The following GATA4 variants were observed in gnomAD, a reference collection of about 807,000 sequenced individuals.
GATA4 encodes the protein transcription factor GATA-4.
A neutral mutation model predicts 37.9 loss-of-function variants in GATA4; 7 were observed. The ratio of observed to expected loss-of-function variants is 0.18; its 90% CI spans 0.11 to 0.35. The LOEUF (loss-of-function observed/expected upper bound fraction) is 0.35. GATA4 is among the 10% of genes least tolerant of loss of function. The pLI, the probability that GATA4 is intolerant of heterozygous loss-of-function variation, is 1.00. For synonymous variants in GATA4, 372 were observed against 292.6 expected (o/e 1.27, Z -2.77); for missense variants, 647 against 653.0 (o/e 0.99, Z 0.10).
chr8:11,697,512 A>T, intron 1 of GATA4: 1 of 964,504 alleles, frequency 1.0e-6, no homozygotes, highest in Non-Finnish European at 1.2e-6. Context: ...CACCTGCTGC[A>T]GTTGGGGAGG....
chr8:11,750,113 C>T lies in GATA4; in HGVS notation c.789C>T (p.Ser263=), dbSNP rs777744927. Residue 263 remains serine (S), a splice_region_variant and synonymous_variant, in exon 4 of 7, where the codon TCC becomes TCT. Transcript: ENST00000532059. ...RPLIKPQRRL[S]ASRRVGLSCA... ...AGCATTTGTTTCCTGTCTTGCAGTC[C>T]GCCTCCCGCCGAGTGGGCCTCTCCT... is the stretch of plus-strand genomic sequence containing the variant. 108 of 1,613,972 alleles carry T rather than the reference C, an allele frequency of 6.7e-5. No homozygotes were observed. The highest frequency in any genetic ancestry group is 4.0e-4 in the East Asian group (18 of 44,900).
chr8:11,739,481 C>T (rs1801618603), intron 2 of GATA4, among the ~76,000 whole-genome samples: 1 of 151,902 alleles, frequency 6.6e-6, no homozygotes, highest in African/African-American at 2.4e-5. Flanking sequence ...TTTCCATATA[C>T]ATCCATCATA....
chr8:11,681,524 C>A, intron 1 of GATA4: 9 of 917,602 alleles, frequency 9.8e-6, no homozygotes, highest in Non-Finnish European at 1.0e-5. Context: ...GTCGGTCCCT[C>A]TCGGGAACGG....
At chr8:11,720,399 T>C (rs6601605) in intron 2 of GATA4, among the ~76,000 whole-genome samples, 137,287 of 151,988 alleles carry the variant, frequency 0.9, 62,845 homozygotes, top group East Asian at 1. Context: ...CTGCCTGCCT[T>C]GTTTTAAGCA....
chr8:11,711,294 C>T (rs984064985), intron 2 of GATA4, among the ~76,000 whole-genome samples: 58 of 152,304 alleles, frequency 3.8e-4, no homozygotes, highest in East Asian at 1.7e-3. Flanking sequence ...GGGCTCTTCC[C>T]GGATAGCTTA....
intron 4 of GATA4, among the ~76,000 whole-genome samples, chr8:11,750,770 TAAAAA>T (rs1195090785): frequency 3.4e-5 from 3 of 88,788 alleles, no homozygotes; most frequent in South Asian, 4.5e-4. Context: ...TTGTCTCTAC[TAAAAA>T]AAAAAAAAAA....
chr8:11,753,403 C>T (rs765734946), intron 4 of GATA4, among the ~76,000 whole-genome samples: 11 of 151,346 alleles, frequency 7.3e-5, no homozygotes, highest in Non-Finnish European at 1.0e-4. Context: ...GCTTGCAGAA[C>T]GGTGTGAATG....
chr8:11,741,529 C>G (rs1484406250), intron 2 of GATA4, among the ~76,000 whole-genome samples: 1 of 152,096 alleles, frequency 6.6e-6, no homozygotes, highest in Non-Finnish European at 1.5e-5. Flanking sequence ...CAACAGTCCA[C>G]AAGTTCGCGG....
chr8:11,693,095 T>C (rs1026642127), intron 1 of GATA4: 2 of 980,268 alleles, frequency 2.0e-6, no homozygotes, highest in Non-Finnish European at 2.4e-6. Flanking sequence ...TACATGGCTT[T>C]ATTCCACTTC....
At chr8:11,752,837 A>G (rs1041748462) in intron 4 of GATA4, among the ~76,000 whole-genome samples, 1 of 152,214 alleles carries the variant, frequency 6.6e-6, no homozygotes, top group African/African-American at 2.4e-5. Context: ...ATAAGAAAAT[A>G]TTTCTACAAA....
At chr8:11,736,796 A>C (rs1021830486) in intron 2 of GATA4, among the ~76,000 whole-genome samples, 1 of 152,138 alleles carries the variant, frequency 6.6e-6, no homozygotes, top group African/African-American at 2.4e-5. Flanking sequence ...ATTTGATCTG[A>C]TATTATCTAG....
At chr8:11,724,110 C>G (rs1800805348) in intron 2 of GATA4, among the ~76,000 whole-genome samples, 1 of 152,050 alleles carries the variant, frequency 6.6e-6, no homozygotes, top group South Asian at 2.1e-4. Flanking sequence ...TTCAAGGTTT[C>G]TCCATTTTGT....
At chr8:11,734,435 A>G (rs1801354301) in intron 2 of GATA4, among the ~76,000 whole-genome samples, 1 of 152,212 alleles carries the variant, frequency 6.6e-6, no homozygotes, top group African/African-American at 2.4e-5. Context: ...GAAGACCATC[A>G]TCTCACTGCA....
chr8:11,706,410 T>C (rs757974360), intron 1 of GATA4, among the ~76,000 whole-genome samples: 3 of 152,232 alleles, frequency 2.0e-5, no homozygotes, highest in Non-Finnish European at 4.4e-5. Context: ...TATTTAGAAC[T>C]TTCTTTTTGC....
chr8:11,683,158 G>A (rs1254315463), intron 1 of GATA4: 4 of 972,788 alleles, frequency 4.1e-6, no homozygotes, highest in African/African-American at 3.5e-5. Flanking sequence ...GATAATGGAG[G>A]GGCTCGCTAT....
chr8:11,692,493 G>C, upstream of GATA4: 3 of 984,794 alleles, frequency 3.0e-6, no homozygotes, highest in Non-Finnish European at 3.6e-6. Context: ...TTCTCCTCCC[G>C]TGCACAGCGT....
intron 2 of GATA4, among the ~76,000 whole-genome samples, chr8:11,717,340 C>T (rs1173219246): frequency 1.3e-5 from 2 of 152,200 alleles, no homozygotes; most frequent in Non-Finnish European, 2.9e-5. Flanking sequence ...TAGCCTGTAT[C>T]TTGCATGTCA....
chr8:11,702,036 G>T (rs1799693559), upstream of GATA4, among the ~76,000 whole-genome samples: 1 of 152,204 alleles, frequency 6.6e-6, no homozygotes. The surrounding 1 kb of genome is among the most constrained non-coding windows in gnomAD (Gnocchi z 4.4). Flanking sequence ...GCCTGTTATA[G>T]CCCCACCAGT....
At chr8:11,742,724 G>T (rs11785912) in intron 2 of GATA4, among the ~76,000 whole-genome samples, 1 of 152,202 alleles carries the variant, frequency 6.6e-6, no homozygotes, top group Non-Finnish European at 1.5e-5. Context: ...AGAAGACCCA[G>T]GGCTCAAGAG....
Sources: allele counts gnomAD v4.1 joint callset (sites outside exome capture counted in the v4.1 genomes callset), GRCh38; gene constraint gnomAD v4.1.1; non-coding constraint Gnocchi (gnomAD v3.1); transcripts MANE v1.5; gene names NCBI Gene and HGNC (gene_info 2026-07-23, HGNC 2026-07-21).